The following DLGAP1 variants were observed in gnomAD, a reference collection of about 807,000 sequenced individuals.
DLGAP1 encodes disks large-associated protein 1.
DLGAP1 carries 11 observed loss-of-function variants against 90.8 expected under a neutral mutation model. The ratio of observed to expected loss-of-function variants is 0.12; its 90% CI spans 0.08 to 0.20. DLGAP1 has a LOEUF of 0.20. Among genes scored for constraint, DLGAP1 ranks in the 10% least tolerant of loss-of-function variants. The pLI is 1.00. For synonymous variants in DLGAP1, 558 were observed against 540.7 expected (o/e 1.03, Z -0.44); for missense variants, 1,050 against 1,333.8 (o/e 0.79, Z 3.31).
chr18:4,228,479 A>G (rs2078237328), intron 1 of DLGAP1, among the ~76,000 whole-genome samples: 1 of 152,090 alleles, frequency 6.6e-6, no homozygotes, highest in Non-Finnish European at 1.5e-5. Context: ...AACACATTAA[A>G]AACATCATCC....
chr18:4,109,611 T>C (rs1045946138), intron 2 of DLGAP1, among the ~76,000 whole-genome samples: 1 of 152,066 alleles, frequency 6.6e-6, no homozygotes, highest in Admixed American at 6.6e-5. Context: ...TCACCAAATA[T>C]ACACCAGTGG....
chr18:4,115,480 T>TTCTTTCTA, intron 2 of DLGAP1, among the ~76,000 whole-genome samples: 1 of 151,106 alleles, frequency 6.6e-6, no homozygotes, highest in South Asian at 2.1e-4. Flanking sequence ...TTTTCTTCCT[T>TTCTTTCTA]TCTTTCTTTC....
chr18:4,242,909 G>A (rs1161803306), intron 1 of DLGAP1, among the ~76,000 whole-genome samples: 55 of 152,030 alleles, frequency 3.6e-4, no homozygotes, highest in Admixed American at 3.5e-3. Context: ...TAGTACCCAC[G>A]ATGAGGGCTA....
intron 1 of DLGAP1, among the ~76,000 whole-genome samples, chr18:4,160,077 T>C (rs2076819923): frequency 6.6e-6 from 1 of 152,246 alleles, no homozygotes; most frequent in South Asian, 2.1e-4. Context: ...AGATTTACAA[T>C]TTATTTACAA....
chr18:4,154,031 T>C (rs2076715384), intron 1 of DLGAP1, among the ~76,000 whole-genome samples: 1 of 152,112 alleles, frequency 6.6e-6, no homozygotes, highest in Non-Finnish European at 1.5e-5. Flanking sequence ...CTCCCTCTTT[T>C]TCATTCTTTT....
At chr18:3,754,721 T>TAAAAAAAAAAAA (rs2063644342) in intron 5 of DLGAP1, among the ~76,000 whole-genome samples, 1 of 33,570 alleles carries the variant, frequency 3.0e-5, no homozygotes. Context: ...TCTACTAAAA[T>TAAAAAAAAAAAA]ACAAAAAAAA....
chr18:4,258,073 C>G (rs73376938), intron 1 of DLGAP1, among the ~76,000 whole-genome samples: 2,190 of 148,324 alleles, frequency 0.015, 48 homozygotes, highest in African/African-American at 0.05. Flanking sequence ...ATTTATTTAG[C>G]TTGGATAAGC....
At chr18:3,666,456 C>A (rs1052132738) in intron 7 of DLGAP1, among the ~76,000 whole-genome samples, 1 of 152,216 alleles carries the variant, frequency 6.6e-6, no homozygotes, top group Admixed American at 6.5e-5. Flanking sequence ...GCATTGCCCC[C>A]TGGCGTTTGT....
Position 3,780,535 on chromosome 18 carries a change from A to G in DLGAP1, c.1172+33524T>C, listed in dbSNP as rs532763619. Among the ~76,000 whole-genome samples, 31 of 152,132 alleles carry G rather than the reference A, an allele frequency of 2.0e-4. No individual in the cohort carries two copies. The East Asian group carries it at 5.6e-3, about 28-fold the overall frequency. ...CTGGGTCTGTCCAGGTCCCCCTCCA[A>G]CGCTAACTTTTCCGCCTCCCTTTTC... On this transcript the variant is annotated intron_variant, in intron 5 of 12. Transcript: ENST00000315677.
At chr18:4,430,668 G>A (rs1341783422) in intron 1 of DLGAP1, 4 of 152,224 alleles carry the variant, frequency 2.6e-5, no homozygotes, top group African/African-American at 9.7e-5. Context: ...TCCTCCACTT[G>A]ATGTAGGGGA....
At chr18:3,549,025 C>T (rs555004580) in intron 9 of DLGAP1, among the ~76,000 whole-genome samples, 4 of 152,070 alleles carry the variant, frequency 2.6e-5, no homozygotes, top group South Asian at 4.2e-4. Flanking sequence ...GGCGACAGGG[C>T]GAGACTCCAT....
chr18:4,158,873 G>A (rs2076799989), intron 1 of DLGAP1, among the ~76,000 whole-genome samples: 1 of 152,086 alleles, frequency 6.6e-6, no homozygotes. Flanking sequence ...ATTAAGGTAA[G>A]CATATGTCCA....
At chr18:3,980,549 C>A (rs2073705818) in intron 3 of DLGAP1, among the ~76,000 whole-genome samples, 1 of 152,170 alleles carries the variant, frequency 6.6e-6, no homozygotes, top group South Asian at 2.1e-4. Context: ...TAATTCCTAG[C>A]TGAATACCAG....
chr18:3,847,335 T>C (rs2069075126), intron 4 of DLGAP1, among the ~76,000 whole-genome samples: 1 of 152,132 alleles, frequency 6.6e-6, no homozygotes, highest in Non-Finnish European at 1.5e-5. Context: ...TGACCCCAAA[T>C]GTGGGATGCT....
Position 3,856,127 on chromosome 18 carries a change from T to C in DLGAP1, c.957+22985A>G, listed in dbSNP as rs1053602846. Among the ~76,000 whole-genome samples, 10 of 152,188 alleles carry C rather than the reference T, an allele frequency of 6.6e-5. No homozygotes were observed. The East Asian group carries it at 1.9e-3, about 29-fold the overall frequency. ...TTTGCATGACTGTTGGCCTGGCTCA[T>C]CTACTTCCAGGAATTTTTCCTGAAT... On this transcript the variant is annotated intron_variant, in intron 4 of 12. Coordinates refer to ENST00000315677, the MANE Select transcript of DLGAP1 (RefSeq NM_004746.4).
At chr18:3,928,014 C>T (rs1319913226) in intron 3 of DLGAP1, among the ~76,000 whole-genome samples, 1 of 152,118 alleles carries the variant, frequency 6.6e-6, no homozygotes, top group Non-Finnish European at 1.5e-5. Flanking sequence ...GGAATTTTTG[C>T]CCCCTAAATG....
chr18:4,001,325 G>A (rs567000750), intron 3 of DLGAP1, among the ~76,000 whole-genome samples: 1 of 150,924 alleles, frequency 6.6e-6, no homozygotes, highest in South Asian at 2.1e-4. Flanking sequence ...TTCTTTAAAA[G>A]CTGCTATCTT....
chr18:3,767,804 C>T (rs1025192233), intron 5 of DLGAP1, among the ~76,000 whole-genome samples: 2 of 152,082 alleles, frequency 1.3e-5, no homozygotes, highest in Non-Finnish European at 2.9e-5. Context: ...AAAAGATCTA[C>T]AGCTAATGAT....
intron 3 of DLGAP1, among the ~76,000 whole-genome samples, chr18:3,897,951 C>T (rs927045698): frequency 1.6e-4 from 24 of 151,468 alleles, no homozygotes; most frequent in South Asian, 8.4e-4. Context: ...CCCGCCACCG[C>T]GCCCGGCTAA....
Sources: gnomAD v4.1 joint callset for allele counts (sites outside exome capture counted in the v4.1 genomes callset) on GRCh38, gnomAD v4.1.1 for gene constraint, MANE v1.5 for transcripts, NCBI Gene and HGNC (gene_info 2026-07-23, HGNC 2026-07-21) for gene names.